Variants in PIEZO2 observed in about 807,000 individuals in gnomAD.
PIEZO2 encodes piezo type mechanosensitive ion channel component 2.
Under a neutral mutation model 337.3 loss-of-function variants are expected in PIEZO2, and 172 were observed. The observed-to-expected ratio is 0.51, with a 90% CI of 0.45 to 0.58. PIEZO2 has a LOEUF of 0.58. Ranked by LOEUF, PIEZO2 falls within the 20% of genes least tolerant of loss-of-function variation. The pLI is 0.00. For synonymous variants in PIEZO2, 1,251 were observed against 1,228.5 expected (o/e 1.02, Z -0.38); for missense variants, 3,028 against 3,391.3 (o/e 0.89, Z 2.66).
intron 27 of PIEZO2, among the ~76,000 whole-genome samples, chr18:10,756,899 A>C (rs1234207568): frequency 8.1e-6 from 1 of 123,672 alleles, no homozygotes; most frequent in African/African-American, 3.6e-5. Context: ...CAGGATAAAA[A>C]GGAGGAATGG....
chr18:10,990,906 T>C (rs1353348316), intron 2 of PIEZO2, among the ~76,000 whole-genome samples: 2 of 152,028 alleles, frequency 1.3e-5, no homozygotes, highest in Non-Finnish European at 2.9e-5. Context: ...AAGTTGACAA[T>C]ATTTTGTGAA....
In PIEZO2 at chr18:10,758,092, A is replaced by G; in HGVS notation, c.3800T>C (p.Ile1267Thr). The G allele has an allele frequency of 2.6e-6, 4 of 1,537,642 alleles. No homozygotes were observed. Among genetic ancestry groups the G allele is most frequent in the Non-Finnish European group, 3.5e-6 (4 of 1,146,900 alleles). ...LLLCASLQRQ[I>T]FEDENKAAVR... ...TGCAGCCTTGTTCTCATCCTCAAAAATCTGCCGTTGTAAGGAGGCACACAG... is the reference window on the plus strand; with the variant it reads ...TGCAGCCTTGTTCTCATCCTCAAAAGTCTGCCGTTGTAAGGAGGCACACAG... Residue 1267 changes from isoleucine (I) to threonine (T), a missense_variant, in exon 27 of 56, where the codon ATT becomes ACT. By Grantham distance (89) the Ile-to-Thr change is moderately conservative. Transcript: ENST00000674853.
In PIEZO2 at chr18:10,945,477, T is replaced by A. The variant is rs2032968462; in HGVS notation, c.286+34058A>T. On this transcript the variant is annotated intron_variant, in intron 3 of 55. Coordinates refer to ENST00000674853, the MANE Select transcript of PIEZO2 (RefSeq NM_001378183.1). The surrounding 1 kb of genome is among the most constrained non-coding windows in gnomAD (Gnocchi z 4.0). ...GTAGTGGGGAAAAATGCCCATGGAT[T>A]GAAATTGGTCTGGTCTTGCCTCACA... is the stretch of plus-strand genomic sequence containing the variant. Among the ~76,000 whole-genome samples the A allele has an allele frequency of 1.3e-5, 2 of 152,144 alleles. No homozygotes were observed. The highest frequency in any genetic ancestry group is 6.5e-5 in the Admixed American group (1 of 15,270).
In PIEZO2 at chr18:10,853,004, C is replaced by G. The variant is rs922658355; in HGVS notation, c.917+2349G>C. ...ACAAAACTGGTGATCAACAGTTTCC[C>G]GATAAGACTTCAGGAGTTGGGTGAG... On this transcript the variant is annotated intron_variant, in intron 7 of 55. Transcript: ENST00000674853. The surrounding 1 kb of genome is among the most constrained non-coding windows in gnomAD (Gnocchi z 4.2). Among the ~76,000 whole-genome samples, 1 of 152,196 alleles carries G rather than the reference C, an allele frequency of 6.6e-6. No individual in the cohort carries two copies. The highest frequency in any genetic ancestry group is 1.5e-5 in the Non-Finnish European group (1 of 68,050).
Position 10,834,976 on chromosome 18 carries a change from C to T in PIEZO2, c.917+20377G>A, listed in dbSNP as rs190243214. On this transcript the variant is annotated intron_variant, in intron 7 of 55. Transcript: ENST00000674853. The surrounding 1 kb of genome is among the most constrained non-coding windows in gnomAD (Gnocchi z 4.5). ...ATTAAGAAGTCGGGCCTTTGAGGGGCGATTAGGTCACAAGGGAGAAGCCCT... is the reference window on the plus strand; with the variant it reads ...ATTAAGAAGTCGGGCCTTTGAGGGGTGATTAGGTCACAAGGGAGAAGCCCT... 2.0e-5 allele frequency among the ~76,000 whole-genome samples: 3 copies of T among 152,222 alleles called. No individual in the cohort carries two copies. Among genetic ancestry groups the T allele is most frequent in the Admixed American group, 6.5e-5 (1 of 15,292 alleles).
chr18:10,789,131 AT>A lies in PIEZO2; in HGVS notation c.2116del (p.Met706CysfsTer28), dbSNP rs1235235810. On this transcript the variant is annotated frameshift_variant, in exon 15 of 56. Transcript: ENST00000674853. LOFTEE classifies it high-confidence loss of function. Reference protein sequence around the residue: ...FFVSFEGKIVMYKIIYMVLFL... With the variant: ...FFVSFEGKIVXYKIIYMVLFL... ...CAGCACCATGTAGATGATTTTGTAC[AT>A]TACGATTTTACCCTCGAAGCTGACG... is the stretch of plus-strand genomic sequence containing the variant. 6 of 1,537,176 alleles carry A rather than the reference AT, an allele frequency of 3.9e-6. No homozygotes were observed. The highest frequency in any genetic ancestry group is 5.2e-6 in the Non-Finnish European group (6 of 1,146,926).
At chr18:10,990,234 A>G (rs1754871041) in intron 2 of PIEZO2, among the ~76,000 whole-genome samples, 3 of 152,238 alleles carry the variant, frequency 2.0e-5, no homozygotes, top group African/African-American at 7.2e-5. Context: ...AGGATATAAT[A>G]ACATGTATCT....
At chr18:11,065,426 T>G (rs912722820) in intron 2 of PIEZO2, among the ~76,000 whole-genome samples, 1 of 152,264 alleles carries the variant, frequency 6.6e-6, no homozygotes, top group Non-Finnish European at 1.5e-5. Context: ...CAGTGTGGTT[T>G]AATTTTAATA....
intron 38 of PIEZO2, 88 bp from the exon 39 acceptor site, chr18:10,715,018 T>A: frequency 7.7e-7 from 1 of 1,294,908 alleles, no homozygotes; most frequent in Non-Finnish European, 1.1e-6. Flanking sequence ...CAGCTTTTCA[T>A]ACCCATGCAT....
intron 2 of PIEZO2, among the ~76,000 whole-genome samples, chr18:11,049,324 T>C (rs1266597344): frequency 1.3e-5 from 2 of 152,200 alleles, no homozygotes; most frequent in Non-Finnish European, 2.9e-5. Flanking sequence ...AGTGAATAGA[T>C]GGCAGAGCCA....
intron 5 of PIEZO2, among the ~76,000 whole-genome samples, chr18:10,869,324 T>C (rs1288858016): frequency 6.6e-6 from 1 of 152,176 alleles, no homozygotes; most frequent in Non-Finnish European, 1.5e-5. Flanking sequence ...CTTCTATAGT[T>C]ATTATTTATG....
chr18:11,050,805 A>ATATAATATATATATATATATAT (rs1267873853), intron 2 of PIEZO2, among the ~76,000 whole-genome samples: 2 of 150,340 alleles, frequency 1.3e-5, no homozygotes, highest in Admixed American at 6.6e-5. Context: ...TATATATATA[A>ATATAATATATATATATATATAT]AATTAATAAT....
chr18:11,126,982 C>T lies in PIEZO2; in HGVS notation c.64+21543G>A, dbSNP rs945670106. Among the ~76,000 whole-genome samples, 2 of 152,138 alleles carry T rather than the reference C, an allele frequency of 1.3e-5. No individual in the cohort carries two copies. The highest frequency in any genetic ancestry group is 4.8e-5 in the African/African-American group (2 of 41,432). On this transcript the variant is annotated intron_variant, in intron 1 of 55. Coordinates refer to ENST00000674853, the MANE Select transcript of PIEZO2 (RefSeq NM_001378183.1). This position sits in a 1 kb window ranked among gnomAD's most constrained non-coding sequence, Gnocchi z 4.6. The stretch of plus-strand genomic sequence containing the variant: ...GTGCTTACTACAGGCCAGGCCCTAC[C>T]CAAGACACTGTGGGTACAGCAGGGA...
At position 10,813,966 on chromosome 18, in the gene PIEZO2, CAT is replaced by C. The variant is rs1281894642; in HGVS notation, c.918-6694_918-6693del. On this transcript the variant is annotated intron_variant, in intron 7 of 55. Transcript: ENST00000674853. The surrounding 1 kb of genome is among the most constrained non-coding windows in gnomAD (Gnocchi z 4.2). ...TCCTAATAGGTGTGAGATGGGACAC[CAT>C]ATATTTTTTTTTTTTTTGAGATGGA... Among the ~76,000 whole-genome samples, 21 of 150,804 alleles carry C rather than the reference CAT, an allele frequency of 1.4e-4. No individual in the cohort carries two copies. The highest frequency in any genetic ancestry group is 6.7e-4 in the Admixed American group (10 of 15,036).
chr18:10,704,223 G>A (rs1167474911), intron 42 of PIEZO2, 171 bp downstream of exon 42: 1 of 910,220 alleles, frequency 1.1e-6, no homozygotes, highest in African/African-American at 1.7e-5. Context: ...CTAGGTAACT[G>A]TTGCTGCTGA....
At chr18:11,133,536 T>C (rs1001058433) in intron 1 of PIEZO2, among the ~76,000 whole-genome samples, 1 of 152,090 alleles carries the variant, frequency 6.6e-6, no homozygotes, top group African/African-American at 2.4e-5. Context: ...GGAAGGCAGA[T>C]CCACCCTTAA....
intron 1 of PIEZO2, among the ~76,000 whole-genome samples, chr18:11,130,078 T>A (rs1458056321): frequency 2.0e-5 from 3 of 152,020 alleles, no homozygotes; most frequent in Non-Finnish European, 2.9e-5. Context: ...AAATAGTAAG[T>A]CAAAAACAAT....
chr18:10,740,340 G>T (rs1443240316), intron 33 of PIEZO2: 1 of 152,238 alleles, frequency 6.6e-6, no homozygotes, highest in Non-Finnish European at 1.5e-5. Flanking sequence ...TAGTTTTCTG[G>T]TTTTTGCTGT....
chr18:10,678,809 AG>A (rs1330816771), intron 52 of PIEZO2, among the ~76,000 whole-genome samples: 29 of 151,066 alleles, frequency 1.9e-4, no homozygotes, highest in African/African-American at 6.7e-4. Flanking sequence ...ACTCTCAGGA[AG>A]TCTCTCTCTT....
Sources: allele counts gnomAD v4.1 joint callset (sites outside exome capture counted in the v4.1 genomes callset), GRCh38; gene constraint gnomAD v4.1.1; non-coding constraint Gnocchi (gnomAD v3.1); transcripts MANE v1.5; gene names NCBI Gene and HGNC (gene_info 2026-07-23, HGNC 2026-07-21).